NUBP2: variants seen among roughly 807,000 people sequenced by gnomAD.
The protein encoded by NUBP2 is NUBP iron-sulfur cluster assembly factor 2, cytosolic.
In NUBP2, 23 loss-of-function variants were observed where a neutral mutation model predicts 24.9. The observed-to-expected ratio is 0.92, with a 90% CI of 0.66 to 1.31. The LOEUF (loss-of-function observed/expected upper bound fraction) is 1.31, where lower values mean the gene tolerates loss of function less well. Among genes scored for constraint, NUBP2 ranks in the 50% most tolerant of loss-of-function variants. The pLI is 0.00. For synonymous variants in NUBP2, 186 were observed against 170.9 expected (o/e 1.09, Z -0.69); for missense variants, 403 against 386.5 (o/e 1.04, Z -0.36).
chr16:1,788,876 G>C lies in NUBP2; in HGVS notation c.*162G>C, dbSNP rs775577137. 1.1e-6 allele frequency: 1 copy of C among 911,648 alleles called. No homozygotes were observed. Among genetic ancestry groups the C allele is most frequent in the Admixed American group, 3.0e-5 (1 of 32,914 alleles). 56.5% of individuals were successfully genotyped at this position (911,648 alleles called of 1,614,324 possible). A position where few individuals can be genotyped will look rare whatever the true frequency, so the allele number is the denominator to read the frequency against. Reference sequence around the variant, plus strand: ...GACCAGCCCAGCCCCAGGATGTGTCGCACCAGCAGCTCTGCCTGGTTGGCC... The same window carrying C: ...GACCAGCCCAGCCCCAGGATGTGTCCCACCAGCAGCTCTGCCTGGTTGGCC... On this transcript the variant is annotated 3_prime_UTR_variant, in exon 7 of 7. Transcript: ENST00000262302.
chr16:1,783,916 A>G, intron 1 of NUBP2: 1 of 479,750 alleles, frequency 2.1e-6, no homozygotes, highest in Non-Finnish European at 2.7e-6. Context: ...GATGGTCTCG[A>G]TCTCCTGACC....
rs116082507 is a variant in NUBP2 at position 1,787,787 on chromosome 16, C to T, written c.445C>T (p.Arg149Cys). The change falls in exon 4 of 7, where the codon CGT (arginine) becomes TGT (cysteine). Residue 149 changes from arginine to cysteine, a missense_variant. Arg to Cys is a radical substitution (Grantham distance 180, BLOSUM62 -3). Transcript: ENST00000262302. ...DEHMATIEALRPYQPLGALVV... is the reference protein window; with the variant it reads ...DEHMATIEALCPYQPLGALVV... ...GCACATGGCCACCATAGAAGCCCTG[C>T]GTCCCTACCAGCCCCTGGGGGCCCT... is the stretch of plus-strand genomic sequence containing the variant. 1.2e-3 allele frequency: 1,867 copies of T among 1,612,306 alleles called. 14 individuals are homozygous for T. The African/African-American group carries it at 0.021, about 18-fold the overall frequency.
intron 3 of NUBP2, 36 bp from the exon 4 acceptor site, chr16:1,787,641 C>A (rs750657587): frequency 6.2e-7 from 1 of 1,607,504 alleles, no homozygotes; most frequent in South Asian, 1.1e-5. Context: ...GCAGACCTGC[C>A]CTGCCCTGAC....
Position 1,786,955 on chromosome 16 carries a change from G to A in NUBP2, c.334G>A (p.Ala112Thr), listed in dbSNP as rs562994729. 30 of 1,514,608 alleles carry A rather than the reference G, an allele frequency of 2.0e-5. No homozygotes were observed. In the African/African-American group the frequency reaches 3.5e-4, roughly 18 times the overall value. The allele number at this position is 1,514,608 out of a possible 1,614,324, so 93.8% of individuals were successfully genotyped here. The stretch of plus-strand genomic sequence containing the variant: ...GGTGTGGAGAGGCCCCAAGAAAAAC[G>A]GTAACGGCCGGGCGGCGCGTCCGCC... ...AVVWRGPKKN[A>T]LIKQFVSDVA... The change falls in exon 3 of 7, where the codon GCG becomes ACG. Residue 112 changes from alanine (A) to threonine (T), a missense_variant and splice_region_variant. Coordinates refer to ENST00000262302, the MANE Select transcript of NUBP2 (RefSeq NM_012225.4).
chr16:1,788,870 T>TG lies in NUBP2; in HGVS notation c.*157dup, dbSNP rs1897127346. The TG allele has an allele frequency of 1.5e-5, 15 of 969,660 alleles. No homozygotes were observed. The South Asian group carries it at 2.7e-4, about 17-fold the overall frequency. The allele number at this position is 969,660 out of a possible 1,614,324, so 60.1% of individuals were successfully genotyped here. On this transcript the variant is annotated 3_prime_UTR_variant, in exon 7 of 7. Transcript: ENST00000262302. ...CTCCCCGACCAGCCCAGCCCCAGGATGTGTCGCACCAGCAGCTCTGCCTGG... is the reference window on the plus strand; with the variant it reads ...CTCCCCGACCAGCCCAGCCCCAGGATGGTGTCGCACCAGCAGCTCTGCCTGG...
Position 1,786,597 on chromosome 16 carries a change from T to C in NUBP2, c.77T>C (p.Val26Ala), listed in dbSNP as rs758319151. 4.3e-6 allele frequency: 7 copies of C among 1,612,120 alleles called. No individual in the cohort carries two copies. In the East Asian group the frequency reaches 6.7e-5, roughly 15 times the overall value. Residue 26 changes from valine (V) to alanine (A), a missense_variant, in exon 2 of 7, where the codon GTT (valine) becomes GCT (alanine). Physicochemically the swap from Val to Ala is moderately conservative, Grantham distance 64. Transcript: ENST00000262302. ...CTGGTCCTCTCAGGAAAGGGGGGCG[T>C]TGGGAAAAGCACCATCTCCACGGAG... ...IILVLSGKGG[V>A]GKSTISTELA...
chr16:1,788,344 C>T (rs1897090068), intron 6 of NUBP2, 137 bp downstream of exon 6: 9 of 1,082,060 alleles, frequency 8.3e-6, no homozygotes, highest in South Asian at 5.3e-5. Context: ...TCGGGCCACA[C>T]GCCATGCCGC....
intron 2 of NUBP2, 33 bp downstream of exon 2, chr16:1,786,688 C>A (rs199502456): frequency 2.5e-6 from 4 of 1,612,054 alleles, no homozygotes; most frequent in Non-Finnish European, 3.4e-6. Flanking sequence ...GGCGGAGCCC[C>A]GGGCAGCTGC....
Position 1,786,671 on chromosome 16 carries a change from C to A in NUBP2, c.135+16C>A. 1 of 1,612,440 alleles carries A rather than the reference C, an allele frequency of 6.2e-7. No homozygotes were observed. Among genetic ancestry groups the A allele is most frequent in the Non-Finnish European group, 8.5e-7 (1 of 1,179,700 alleles). ...AGGCAAGAAGGTGAGCGCCCTACCC[C>A]TCACTGGGCGGAGCCCCGGGCAGCT... On this transcript the variant is annotated intron_variant, in intron 2 of 6. Coordinates refer to ENST00000262302, the MANE Select transcript of NUBP2 (RefSeq NM_012225.4).
Position 1,783,053 on chromosome 16 carries a change from G to T in NUBP2, c.16+17G>T. On this transcript the variant is annotated intron_variant, in intron 1 of 6. Transcript: ENST00000262302. The stretch of plus-strand genomic sequence containing the variant: ...CGGCGGCCGGTGAGTGGCGGGCCAG[G>T]GTGCGGAGCCGCTCCAGGGCCTCGC... 2.3e-6 allele frequency: 3 copies of T among 1,307,816 alleles called. No individual in the cohort carries two copies. Among genetic ancestry groups the T allele is most frequent in the Non-Finnish European group, 2.9e-6 (3 of 1,025,132 alleles). The allele number at this position is 1,307,816 out of a possible 1,614,324, so 81.0% of individuals were successfully genotyped here.
At chr16:1,783,389 G>GC in intron 1 of NUBP2, 1 of 1,062,358 alleles carries the variant, frequency 9.4e-7, no homozygotes, top group East Asian at 6.7e-5. Context: ...CCGGGCAAGA[G>GC]CGAGACCCTG....
intron 1 of NUBP2, chr16:1,783,939 C>A: frequency 1.4e-6 from 1 of 690,224 alleles, no homozygotes; most frequent in Non-Finnish European, 1.8e-6. Context: ...GTGATCCGCC[C>A]GTCTCAGCCT....
At chr16:1,783,987 C>T in intron 1 of NUBP2, 3 of 985,028 alleles carry the variant, frequency 3.0e-6, no homozygotes, top group Non-Finnish European at 3.6e-6. Context: ...GCCACGGCGC[C>T]TGGCCCAGTG....
chr16:1,785,802 C>T, intron 1 of NUBP2: 4 of 1,289,138 alleles, frequency 3.1e-6, no homozygotes, highest in South Asian at 1.2e-5. Flanking sequence ...GCAGGTTTTA[C>T]GCATCATGTG....
intron 1 of NUBP2, chr16:1,784,607 T>C (rs1002054788): frequency 1.3e-5 from 2 of 151,802 alleles, no homozygotes; most frequent in Non-Finnish European, 2.9e-5. Context: ...GGTTTCGCCA[T>C]GTTGGCCAGG....
rs1567238348 is a variant in NUBP2, at chr16:1,788,715, C to T, written c.*1C>T. On this transcript the variant is annotated 3_prime_UTR_variant, in exon 7 of 7. Coordinates refer to ENST00000262302, the MANE Select transcript of NUBP2 (RefSeq NM_012225.4). The stretch of plus-strand genomic sequence containing the variant: ...CGCGACGCCCGCGTGCCTCCCCTGA[C>T]TAAGGCCACCTTGCAGCCGCTTTCC... 1.9e-6 allele frequency: 3 copies of T among 1,607,472 alleles called. No individual in the cohort carries two copies. Among genetic ancestry groups the T allele is most frequent in the Non-Finnish European group, 2.5e-6 (3 of 1,176,536 alleles).
chr16:1,783,440 C>T (rs1896816927), intron 1 of NUBP2: 3 of 1,008,706 alleles, frequency 3.0e-6, no homozygotes, highest in Non-Finnish European at 3.5e-6. Context: ...GAAAGTAAGA[C>T]GGACGCCAGA....
intron 5 of NUBP2, 31 bp downstream of exon 5, chr16:1,788,082 G>A (rs1897074796): frequency 1.3e-6 from 2 of 1,562,950 alleles, no homozygotes; most frequent in Non-Finnish European, 1.7e-6. Context: ...AGGGGGCGAG[G>A]CAGCACCTGG....
intron 1 of NUBP2, chr16:1,785,850 G>C: frequency 7.8e-7 from 1 of 1,289,104 alleles, no homozygotes; most frequent in Non-Finnish European, 1.0e-6. Flanking sequence ...GACCTGTCGG[G>C]GATGGAGCAG....
Sources: gnomAD v4.1 joint callset for allele counts on GRCh38, gnomAD v4.1.1 for gene constraint, MANE v1.5 for transcripts, NCBI Gene and HGNC (gene_info 2026-07-23, HGNC 2026-07-21) for gene names.